The following PCDHGA1 variants were observed in gnomAD, a reference collection of about 807,000 sequenced individuals.
The protein encoded by PCDHGA1 is protocadherin gamma subfamily A, 1, also known as protocadherin gamma-A1.
PCDHGA1 carries 32 observed loss-of-function variants against 58.0 expected under a neutral mutation model. That is an observed-to-expected ratio of 0.55 (90% confidence interval 0.42 to 0.74). The LOEUF is 0.74. Ranked by LOEUF, PCDHGA1 falls within the 30% of genes least tolerant of loss-of-function variation. The pLI is 0.00. For synonymous variants in PCDHGA1, 498 were observed against 501.1 expected (o/e 0.99, Z 0.08); for missense variants, 1,205 against 1,182.3 (o/e 1.02, Z -0.28).
chr5:141,370,575 T>C (rs764870172), intron 1 of PCDHGA1: 17 of 1,613,766 alleles, frequency 1.1e-5, no homozygotes, highest in Admixed American at 1.7e-5. Context: ...CGTGGGGGAT[T>C]TACCTACTAG....
At chr5:141,393,284 T>C (rs1462333832) in intron 1 of PCDHGA1, 10 of 1,613,870 alleles carry the variant, frequency 6.2e-6, no homozygotes, top group African/African-American at 2.7e-5. Flanking sequence ...TCCCAGAAGC[T>C]GTTGACCCGG....
chr5:141,369,472 G>C (rs557451479), intron 1 of PCDHGA1, among the ~76,000 whole-genome samples: 3 of 152,128 alleles, frequency 2.0e-5, no homozygotes, highest in Non-Finnish European at 4.4e-5. Flanking sequence ...TTCTAGCCCA[G>C]CCTGGGCAAC....
intron 1 of PCDHGA1, chr5:141,441,834 C>T (rs370689467): frequency 2.6e-5 from 9 of 352,638 alleles, no homozygotes; most frequent in Non-Finnish European, 3.9e-5. Flanking sequence ...GCAATGGCTT[C>T]GCGCTCTTGG....
intron 1 of PCDHGA1, chr5:141,398,768 C>T (rs1177677138): frequency 6.2e-6 from 10 of 1,613,946 alleles, no homozygotes; most frequent in South Asian, 1.1e-5. Context: ...GTCCTGACTG[C>T]CTTGGACGGT....
intron 1 of PCDHGA1, among the ~76,000 whole-genome samples, chr5:141,354,350 A>G (rs1056084441): frequency 2.0e-5 from 3 of 152,246 alleles, no homozygotes; most frequent in African/African-American, 7.2e-5. Context: ...AAGATTGAGA[A>G]CACATTGTGA....
chr5:141,458,273 G>C, intron 1 of PCDHGA1, among the ~76,000 whole-genome samples: 1 of 152,158 alleles, frequency 6.6e-6, no homozygotes, highest in Non-Finnish European at 1.5e-5. Context: ...AGGAACAACA[G>C]GGTTCCTGGT....
rs147534370 is a variant in PCDHGA1 at position 141,511,170 on chromosome 5, G to A, written c.2793G>A (p.Lys931=). ...AGAAGTCGGGCAAGAAGGAGAAGAA[G>A]TAACATGGAGGCCAGGCCAAGAGCC... ...NKKKSGKKEK[K] The change falls in exon 4 of 4, where the codon AAG becomes AAA. Residue 931 remains lysine (K), a synonymous_variant. Coordinates refer to ENST00000517417, the MANE Select transcript of PCDHGA1 (RefSeq NM_018912.3). 1.9e-6 allele frequency: 3 copies of A among 1,613,988 alleles called. No homozygotes were observed. The highest frequency in any genetic ancestry group is 2.5e-6 in the Non-Finnish European group (3 of 1,179,990).
At chr5:141,347,519 G>A (rs1386331120) in intron 1 of PCDHGA1, among the ~76,000 whole-genome samples, 1 of 152,132 alleles carries the variant, frequency 6.6e-6, no homozygotes, top group Non-Finnish European at 1.5e-5. Context: ...TGGGTGCAGT[G>A]GCTCATGCTG....
At chr5:141,366,099 A>C in intron 1 of PCDHGA1, 1 of 1,614,210 alleles carries the variant, frequency 6.2e-7, no homozygotes, top group Non-Finnish European at 8.5e-7. Context: ...CTGGTGACCA[A>C]GGTGGTAGCG....
At chr5:141,412,713 TG>T (rs1172943618) in intron 1 of PCDHGA1, 2 of 152,812 alleles carry the variant, frequency 1.3e-5, no homozygotes, top group Non-Finnish European at 2.9e-5. Context: ...TGTACATTTC[TG>T]TTGGGAAAAC....
chr5:141,476,868 C>T lies in PCDHGA1; in HGVS notation c.2422-17939C>T, dbSNP rs1213404395. On this transcript the variant is annotated intron_variant, in intron 1 of 3. Coordinates refer to ENST00000517417, the MANE Select transcript of PCDHGA1 (RefSeq NM_018912.3). This position sits in a 1 kb window ranked among gnomAD's most constrained non-coding sequence, Gnocchi z 7.6. ...GTCTTCAACCAGTCCTTGTACCGGG[C>T]GCGCGTCCTGGAGGATGCACCCTCC... 3 of 1,613,874 alleles carry T rather than the reference C, an allele frequency of 1.9e-6. No individual in the cohort carries two copies. Among genetic ancestry groups the T allele is most frequent in the Admixed American group, 3.3e-5 (2 of 60,026 alleles).
In PCDHGA1 at chr5:141,331,373, T is replaced by A; in HGVS notation, c.689T>A (p.Ile230Asn). 6.2e-7 allele frequency: 1 copy of A among 1,614,148 alleles called. No individual in the cohort carries two copies. Among genetic ancestry groups the A allele is most frequent in the Non-Finnish European group, 8.5e-7 (1 of 1,180,034 alleles). The change falls in exon 1 of 4, where the codon ATT becomes AAT. Residue 230 changes from isoleucine to asparagine, a missense_variant. Physicochemically the swap from Ile to Asn is moderately radical, Grantham distance 149 (BLOSUM62 -3). Coordinates refer to ENST00000517417, the MANE Select transcript of PCDHGA1 (RefSeq NM_018912.3). ...PVRSGTLRIY[I>N]QVVDANDNPP... ...CGTTCAGGGACCCTCAGAATTTACA[T>A]TCAGGTGGTGGATGCAAATGACAAT...
chr5:141,406,761 A>T (rs1327829124), intron 1 of PCDHGA1, among the ~76,000 whole-genome samples: 1 of 152,234 alleles, frequency 6.6e-6, no homozygotes. Flanking sequence ...ACAAGGAATT[A>T]AAAATATTTC....
chr5:141,486,030 C>A lies in PCDHGA1; in HGVS notation c.2422-8777C>A. The A allele has an allele frequency of 6.2e-7, 1 of 1,614,164 alleles. No homozygotes were observed. The highest frequency in any genetic ancestry group is 8.5e-7 in the Non-Finnish European group (1 of 1,180,012). ...ACCTTTTATTTCAGTGGTCATACCC[C>A]TGATCGTGTAAGAAACCTCTTTAGC... On this transcript the variant is annotated intron_variant, in intron 1 of 3. Coordinates refer to ENST00000517417, the MANE Select transcript of PCDHGA1 (RefSeq NM_018912.3). The surrounding 1 kb of genome is among the most constrained non-coding windows in gnomAD (Gnocchi z 5.0).
chr5:141,345,269 C>T (rs767423074), intron 1 of PCDHGA1: 32 of 1,613,776 alleles, frequency 2.0e-5, no homozygotes, highest in Non-Finnish European at 1.9e-5. Context: ...CCCTGGACCG[C>T]GAACAAATAT....
In PCDHGA1 at chr5:141,332,848, T is replaced by C. The variant is rs548628183; in HGVS notation, c.2164T>C (p.Ser722Pro). 3 of 1,614,208 alleles carry C rather than the reference T, an allele frequency of 1.9e-6. No individual in the cohort carries two copies. Among genetic ancestry groups the C allele is most frequent in the South Asian group, 2.2e-5 (2 of 91,080 alleles). ...GCACAGGCTGCGGCGCTGGCACAAG[T>C]CACGTCTGCTACAGGCTTCGGGAGG... ...LAHRLRRWHKSRLLQASGGGL... is the reference protein window; with the variant it reads ...LAHRLRRWHKPRLLQASGGGL... Residue 722 changes from serine to proline, a missense_variant, in exon 1 of 4, where the codon TCA (serine) becomes CCA (proline). Physicochemically the swap from Ser to Pro is moderately conservative, Grantham distance 74. Transcript: ENST00000517417. This position sits in a 1 kb window ranked among gnomAD's most constrained non-coding sequence, Gnocchi z 4.6.
At chr5:141,404,443 A>G in intron 1 of PCDHGA1, 1 of 1,613,468 alleles carries the variant, frequency 6.2e-7, no homozygotes, top group East Asian at 2.2e-5. Flanking sequence ...ATACCATCCA[A>G]GGGTCTCCTC....
At chr5:141,391,107 T>C (rs1225302584) in intron 1 of PCDHGA1, 1 of 152,098 alleles carries the variant, frequency 6.6e-6, no homozygotes, top group African/African-American at 2.4e-5. Context: ...CCTAAACTAA[T>C]ATAGCTAGAG....
chr5:141,387,998 C>A, intron 1 of PCDHGA1: 1 of 1,485,206 alleles, frequency 6.7e-7, no homozygotes, highest in South Asian at 1.3e-5. Flanking sequence ...ACAGGATTCC[C>A]GAGGAAATGC....
Sources: allele counts gnomAD v4.1 joint callset (sites outside exome capture counted in the v4.1 genomes callset), GRCh38; gene constraint gnomAD v4.1.1; non-coding constraint Gnocchi (gnomAD v3.1); transcripts MANE v1.5; gene names NCBI Gene and HGNC (gene_info 2026-07-23, HGNC 2026-07-21).